SRPK2: variants seen among roughly 807,000 people sequenced by gnomAD.
The protein encoded by SRPK2 is SRSF protein kinase 2.
SRPK2 carries 21 observed loss-of-function variants against 90.8 expected under a neutral mutation model. The observed-to-expected ratio is 0.23, with a 90% CI of 0.16 to 0.33. The LOEUF (loss-of-function observed/expected upper bound fraction) is 0.33. SRPK2 is among the 10% of genes least tolerant of loss of function. SRPK2 has a pLI of 1.00. For synonymous variants in SRPK2, 288 were observed against 311.1 expected (o/e 0.93, Z 0.78); for missense variants, 620 against 869.0 (o/e 0.71, Z 3.60).
chr7:105,260,826 T>C (rs1320603575), intron 2 of SRPK2, among the ~76,000 whole-genome samples: 1 of 150,766 alleles, frequency 6.6e-6, no homozygotes, highest in Non-Finnish European at 1.5e-5. Context: ...AGGTGGGAGT[T>C]TAATAATGAG....
chr7:105,204,500 G>A (rs542547308), intron 2 of SRPK2: 11 of 356,330 alleles, frequency 3.1e-5, no homozygotes, highest in East Asian at 2.4e-4. Context: ...GCCCCAGTGC[G>A]GGGAAATAGG....
intron 3 of SRPK2, among the ~76,000 whole-genome samples, chr7:105,188,449 C>T (rs1225046030): frequency 6.6e-6 from 1 of 152,086 alleles, no homozygotes; most frequent in Non-Finnish European, 1.5e-5. Context: ...GAAAACCACA[C>T]AATTGTACCC....
intron 3 of SRPK2, among the ~76,000 whole-genome samples, chr7:105,172,085 G>A (rs971644158): frequency 6.6e-6 from 1 of 151,986 alleles, no homozygotes; most frequent in African/African-American, 2.4e-5. Context: ...GTAGAGACAG[G>A]GTTTTGCCAT....
At chr7:105,227,407 A>T (rs1349576110) in intron 2 of SRPK2, among the ~76,000 whole-genome samples, 5 of 152,184 alleles carry the variant, frequency 3.3e-5, no homozygotes, top group Admixed American at 6.5e-5. Flanking sequence ...GACACAATTT[A>T]AAAAAGCAAA....
chr7:105,165,061 T>A (rs192456723), intron 6 of SRPK2, among the ~76,000 whole-genome samples: 1 of 152,322 alleles, frequency 6.6e-6, no homozygotes, highest in Admixed American at 6.5e-5. Flanking sequence ...AAAGTACTCA[T>A]GACACTGAAG....
intron 2 of SRPK2, among the ~76,000 whole-genome samples, chr7:105,320,484 T>A (rs1403185103): frequency 1.3e-5 from 2 of 152,136 alleles, no homozygotes; most frequent in Non-Finnish European, 2.9e-5. Flanking sequence ...AAGTACACAT[T>A]TTCAGAAACA....
intron 2 of SRPK2, among the ~76,000 whole-genome samples, chr7:105,209,562 G>T (rs544994413): frequency 5.6e-5 from 8 of 142,180 alleles, no homozygotes; most frequent in African/African-American, 2.1e-4. Flanking sequence ...GAAGAAAATA[G>T]AAAAGGAAAA....
intron 2 of SRPK2, among the ~76,000 whole-genome samples, chr7:105,367,854 C>T (rs1044227257): frequency 6.6e-6 from 1 of 152,008 alleles, no homozygotes; most frequent in African/African-American, 2.4e-5. Flanking sequence ...TTAAATATTT[C>T]TAGGGTACAT....
chr7:105,334,796 T>C (rs1814872066), intron 2 of SRPK2, among the ~76,000 whole-genome samples: 2 of 132,052 alleles, frequency 1.5e-5, no homozygotes, highest in Admixed American at 7.9e-5. Context: ...GCCAAAATCA[T>C]GCCACTGCAC....
chr7:105,198,195 T>G (rs1428399360), intron 3 of SRPK2, among the ~76,000 whole-genome samples: 1 of 152,184 alleles, frequency 6.6e-6, no homozygotes, highest in East Asian at 1.9e-4. Flanking sequence ...GTTAAATATT[T>G]GGATTCCTAA....
chr7:105,142,551 A>T lies in SRPK2; in HGVS notation c.1061-61T>A, dbSNP rs572608313. ...TACTCTCCTTAATACAGCCTCATTAAGTACTTATCTCCATCAATAAAATAC... is the reference window on the plus strand; with the variant it reads ...TACTCTCCTTAATACAGCCTCATTATGTACTTATCTCCATCAATAAAATAC... On this transcript the variant is annotated intron_variant, in intron 10 of 15. Coordinates refer to ENST00000393651, the MANE Select transcript of SRPK2 (RefSeq NM_182692.3). 5.3e-6 allele frequency: 8 copies of T among 1,522,974 alleles called. No individual in the cohort carries two copies. The South Asian group carries it at 1.1e-4, about 20-fold the overall frequency. 94.3% of individuals were successfully genotyped at this position (1,522,974 alleles called of 1,614,324 possible). A position where few individuals can be genotyped will look rare whatever the true frequency, so the allele number is the denominator to read the frequency against.
intron 2 of SRPK2, among the ~76,000 whole-genome samples, chr7:105,299,831 T>G (rs755374211): frequency 1.3e-5 from 2 of 152,144 alleles, no homozygotes; most frequent in African/African-American, 4.8e-5. Flanking sequence ...GCGGCGTAAG[T>G]TGCAGTGAGC....
intron 3 of SRPK2, among the ~76,000 whole-genome samples, chr7:105,184,869 A>G (rs1168196354): frequency 6.6e-6 from 1 of 152,266 alleles, no homozygotes; most frequent in East Asian, 1.9e-4. Flanking sequence ...TCTAGGCTGC[A>G]ATGTTTATTG....
chr7:105,375,843 T>C (rs920449573), intron 2 of SRPK2, among the ~76,000 whole-genome samples: 3 of 151,992 alleles, frequency 2.0e-5, no homozygotes, highest in South Asian at 4.1e-4. Flanking sequence ...AAGCTCACCA[T>C]AGGTATTTTA....
Position 105,359,150 on chromosome 7 carries a change from C to CTTTTTTTTTTT in SRPK2, c.71+29487_71+29497dup, listed in dbSNP as rs35765090. On this transcript the variant is annotated intron_variant, in intron 2 of 15. Coordinates refer to ENST00000393651, the MANE Select transcript of SRPK2 (RefSeq NM_182692.3). ...CAAACAAACCATATCCAAACCACAG[C>CTTTTTTTTTTT]TTTTTTTTTTTTTTTTTTTTTTTTT... Among the ~76,000 whole-genome samples the CTTTTTTTTTTT allele has an allele frequency of 2.2e-4, 12 of 54,830 alleles. No individual in the cohort carries two copies. The East Asian group carries it at 5.6e-3, about 25-fold the overall frequency. 36.0% of individuals were successfully genotyped at this position (54,830 alleles called of 152,430 possible).
intron 2 of SRPK2, among the ~76,000 whole-genome samples, chr7:105,245,490 T>C (rs1324608606): frequency 6.6e-6 from 1 of 152,092 alleles, no homozygotes; most frequent in Non-Finnish European, 1.5e-5. Context: ...GGAATATAAT[T>C]CTGGGGATGA....
chr7:105,211,437 C>G (rs757455417), intron 2 of SRPK2, among the ~76,000 whole-genome samples: 3 of 152,002 alleles, frequency 2.0e-5, no homozygotes, highest in Non-Finnish European at 4.4e-5. Flanking sequence ...GTCCTGCAGG[C>G]TATACAGGAA....
chr7:105,130,678 A>G (rs1418797396), intron 13 of SRPK2, among the ~76,000 whole-genome samples: 2 of 151,778 alleles, frequency 1.3e-5, no homozygotes, highest in Non-Finnish European at 2.9e-5. Context: ...TTACACTACA[A>G]CAGAACGATG....
intron 2 of SRPK2, among the ~76,000 whole-genome samples, chr7:105,352,778 G>A (rs570446376): frequency 2.0e-5 from 3 of 152,280 alleles, no homozygotes; most frequent in African/African-American, 7.2e-5. Flanking sequence ...GCGCACGCCT[G>A]TAATCCCAGC....
Sources: allele counts gnomAD v4.1 joint callset (sites outside exome capture counted in the v4.1 genomes callset), GRCh38; gene constraint gnomAD v4.1.1; transcripts MANE v1.5; gene names NCBI Gene and HGNC (gene_info 2026-07-23, HGNC 2026-07-21).